NEBL: variants seen among roughly 807,000 people sequenced by gnomAD.
NEBL encodes the protein nebulette.
Under a neutral mutation model 140.2 loss-of-function variants are expected in NEBL, and 122 were observed. The observed-to-expected ratio is 0.87, with a 90% CI of 0.75 to 1.01. The LOEUF is 1.01. Among genes scored for constraint, NEBL ranks in the 50% least tolerant of loss-of-function variants. NEBL has a pLI of 0.00. For synonymous variants in NEBL, 436 were observed against 398.9 expected (o/e 1.09, Z -1.11); for missense variants, 1,365 against 1,231.3 (o/e 1.11, Z -1.62).
intron 2 of NEBL, among the ~76,000 whole-genome samples, chr10:21,158,470 C>T (rs900559309): frequency 6.6e-6 from 1 of 152,154 alleles, no homozygotes; most frequent in Admixed American, 6.5e-5. Flanking sequence ...GCCCATTTTG[C>T]AGATGGGATA....
intron 3 of NEBL, among the ~76,000 whole-genome samples, chr10:21,018,048 C>A (rs1273372439): frequency 4.6e-5 from 7 of 152,080 alleles, no homozygotes; most frequent in Non-Finnish European, 1.0e-4. Context: ...TCTCGAACTC[C>A]TGACCTCAAG....
intron 2 of NEBL, among the ~76,000 whole-genome samples, chr10:21,121,667 G>A (rs1838579875): frequency 6.6e-6 from 1 of 152,056 alleles, no homozygotes; most frequent in East Asian, 1.9e-4. Flanking sequence ...CCAATGCTAG[G>A]CTCACAACTT....
Position 21,173,963 on chromosome 10 carries a change from A to C in NEBL, c.-130T>G. ...TGCGGGCGGCGGGCGCCGGGTAGGG[A>C]GTCGGCGCCGGGCCACGGGTGAGTG... is the stretch of plus-strand genomic sequence containing the variant. On this transcript the variant is annotated 5_prime_UTR_variant, in exon 1 of 7. Coordinates refer to the NEBL transcript ENST00000417816. This position sits in a 1 kb window ranked among gnomAD's most constrained non-coding sequence, Gnocchi z 5.7. 7.3e-7 allele frequency: 1 copy of C among 1,362,082 alleles called. No homozygotes were observed. The highest frequency in any genetic ancestry group is 9.4e-7 in the Non-Finnish European group (1 of 1,067,820). The allele number at this position is 1,362,082 out of a possible 1,614,324, so 84.4% of individuals were successfully genotyped here.
chr10:21,020,423 G>T (rs1218293345), intron 2 of NEBL, among the ~76,000 whole-genome samples: 1 of 151,808 alleles, frequency 6.6e-6, no homozygotes, highest in Non-Finnish European at 1.5e-5. Context: ...GCTTAACCTT[G>T]ACTTCTCTTT....
At chr10:20,950,578 C>T (rs1835409153) in intron 4 of NEBL, among the ~76,000 whole-genome samples, 1 of 152,128 alleles carries the variant, frequency 6.6e-6, no homozygotes, top group Non-Finnish European at 1.5e-5. Context: ...CTGAAATCCA[C>T]ACGGCCTGAT....
chr10:20,913,591 A>T (rs1848418520), intron 4 of NEBL, among the ~76,000 whole-genome samples: 1 of 152,230 alleles, frequency 6.6e-6, no homozygotes, highest in Non-Finnish European at 1.5e-5. Flanking sequence ...AAAAAAGTAC[A>T]AAAACCAAGT....
At chr10:20,890,819 T>C (rs186366881) in intron 2 of NEBL, among the ~76,000 whole-genome samples, 1 of 152,210 alleles carries the variant, frequency 6.6e-6, no homozygotes, top group Non-Finnish European at 1.5e-5. Context: ...AATCACACTG[T>C]CACACTAATT....
intron 2 of NEBL, chr10:21,113,164 A>C (rs994153284): frequency 3.4e-6 from 1 of 297,728 alleles, no homozygotes; most frequent in Non-Finnish European, 6.4e-6. Flanking sequence ...GATGATGAGG[A>C]AACTGAAGAA....
In NEBL at chr10:20,851,650, T is replaced by G. The variant is rs753067095; in HGVS notation, c.1008+895A>C. The stretch of plus-strand genomic sequence containing the variant: ...AAAAAAAAAAATTAGCCAGGCGTGG[T>G]GGCATGCACCTGTAATCTCTGCTAC... On this transcript the variant is annotated intron_variant, in intron 10 of 27. Transcript: ENST00000377122. 2.2e-3 allele frequency among the ~76,000 whole-genome samples: 323 copies of G among 148,882 alleles called. 1 individual carries two copies. The highest frequency in any genetic ancestry group is 3.5e-3 in the Admixed American group (52 of 14,942).
At chr10:21,127,032 A>G (rs550829797) in intron 2 of NEBL, among the ~76,000 whole-genome samples, 3 of 151,838 alleles carry the variant, frequency 2.0e-5, no homozygotes, top group African/African-American at 7.2e-5. Context: ...TATGAATATC[A>G]AAAGGAATTA....
chr10:21,061,358 TATGG>T (rs1554822047), intron 2 of NEBL, among the ~76,000 whole-genome samples: 108 of 147,430 alleles, frequency 7.3e-4, no homozygotes, highest in African/African-American at 1.4e-3. Flanking sequence ...TTACATAATA[TATGG>T]GTCAGATTTA....
chr10:20,872,944 C>T (rs1045328470), intron 5 of NEBL, among the ~76,000 whole-genome samples: 5 of 152,212 alleles, frequency 3.3e-5, no homozygotes, highest in Non-Finnish European at 7.3e-5. Flanking sequence ...GCTCTGTCTA[C>T]GGAGTAGCCA....
chr10:21,000,931 C>T (rs1394241096), intron 3 of NEBL, among the ~76,000 whole-genome samples: 1 of 152,120 alleles, frequency 6.6e-6, no homozygotes, highest in Admixed American at 6.6e-5. Context: ...GGAAGAAGCC[C>T]AGATAGAGCT....
chr10:21,173,792 G>A lies in NEBL; in HGVS notation c.42C>T (p.Pro14=), dbSNP rs1265422634. The change falls in exon 1 of 7, where the codon CCC becomes CCT. Residue 14 remains proline, a synonymous_variant. Transcript: ENST00000417816. This position sits in a 1 kb window ranked among gnomAD's most constrained non-coding sequence, Gnocchi z 5.7. ...TATCCAGGCAGTTGACTTTCTCGGT[G>A]GGATACACGACTTTTCCGCAACGGG... 2.7e-5 allele frequency: 44 copies of A among 1,612,924 alleles called. No homozygotes were observed. Among genetic ancestry groups the A allele is most frequent in the Non-Finnish European group, 3.5e-5 (41 of 1,179,864 alleles).
chr10:20,901,772 G>A (rs576383730), upstream of NEBL, among the ~76,000 whole-genome samples: 16 of 151,984 alleles, frequency 1.1e-4, no homozygotes, highest in Non-Finnish European at 2.2e-4. Flanking sequence ...ACCGTCTTCC[G>A]GAAGGTTCCT....
chr10:21,126,267 T>C (rs1838831177), intron 2 of NEBL: 2 of 749,988 alleles, frequency 2.7e-6, no homozygotes, highest in Non-Finnish European at 4.3e-6. Context: ...GGACTTCTTT[T>C]GTAAGCCTCA....
At chr10:21,041,050 A>G (rs933450796) in intron 2 of NEBL, among the ~76,000 whole-genome samples, 7 of 152,226 alleles carry the variant, frequency 4.6e-5, no homozygotes, top group African/African-American at 1.7e-4. Context: ...GTAAAGAACT[A>G]ACACACTTTC....
chr10:20,823,257 T>C lies in NEBL; in HGVS notation c.1913A>G (p.Asp638Gly). 1.2e-6 allele frequency: 2 copies of C among 1,609,926 alleles called. No individual in the cohort carries two copies. Among genetic ancestry groups the C allele is most frequent in the Non-Finnish European group, 1.7e-6 (2 of 1,178,326 alleles). The change falls in exon 19 of 28, where the codon GAT becomes GGT. Residue 638 changes from aspartate (D) to glycine (G), a missense_variant. Asp to Gly is a moderately conservative substitution (Grantham distance 94, BLOSUM62 -1). This residue lies in a region of NEBL where 1,323 missense variants were observed against 1,154.8 expected (regional missense o/e 1.15). Coordinates refer to ENST00000377122, the MANE Select transcript of NEBL (RefSeq NM_006393.3). ...TTTAACTCTCTTTAGTTCTGGAGGA[T>C]CAGAAATGGCTGTTGCATGTTTAAT... ...EEIKHATAISDPPELKRVKEN... is the reference protein window; with the variant it reads ...EEIKHATAISGPPELKRVKEN...
chr10:20,890,214 G>A (rs1846913530), intron 2 of NEBL, among the ~76,000 whole-genome samples: 1 of 152,132 alleles, frequency 6.6e-6, no homozygotes, highest in South Asian at 2.1e-4. Flanking sequence ...CGGGTGATGG[G>A]TCCTGTTTAC....
Sources: allele counts gnomAD v4.1 joint callset (sites outside exome capture counted in the v4.1 genomes callset), GRCh38; gene constraint gnomAD v4.1.1; regional missense constraint gnomAD v4.1.1; non-coding constraint Gnocchi (gnomAD v3.1); transcripts MANE v1.5; gene names NCBI Gene and HGNC (gene_info 2026-07-23, HGNC 2026-07-21).